SLC35F1: variants seen among roughly 807,000 people sequenced by gnomAD.
SLC35F1 encodes solute carrier family 35 member F1, also known as chromosome 6 open reading frame 169.
In SLC35F1, 14 loss-of-function variants were observed where a neutral mutation model predicts 48.7. The observed-to-expected ratio is 0.29, with a 90% CI of 0.19 to 0.45. The LOEUF (loss-of-function observed/expected upper bound fraction) is 0.45. Among genes scored for constraint, SLC35F1 ranks in the 20% least tolerant of loss-of-function variants. The pLI is 1.00. For synonymous variants in SLC35F1, 190 were observed against 202.2 expected (o/e 0.94, Z 0.51); for missense variants, 404 against 500.0 (o/e 0.81, Z 1.83).
chr6:118,076,864 A>G (rs894830031), intron 1 of SLC35F1, among the ~76,000 whole-genome samples: 2 of 152,038 alleles, frequency 1.3e-5, no homozygotes, highest in Non-Finnish European at 2.9e-5. Flanking sequence ...TAATTATTGT[A>G]GGCTTAGACG....
intron 3 of SLC35F1, among the ~76,000 whole-genome samples, chr6:118,259,628 T>C (rs936518648): frequency 1.4e-5 from 2 of 141,890 alleles, no homozygotes; most frequent in African/African-American, 5.0e-5. Context: ...AGGGGTTTAA[T>C]ATCATTTGTC....
intron 1 of SLC35F1, among the ~76,000 whole-genome samples, chr6:118,043,358 G>A (rs2114903731): frequency 6.6e-6 from 1 of 152,074 alleles, no homozygotes; most frequent in East Asian, 1.9e-4. Flanking sequence ...GAGTTAGAAT[G>A]TCTTAGCATC....
intron 1 of SLC35F1, among the ~76,000 whole-genome samples, chr6:118,076,745 C>A (rs1396099924): frequency 6.6e-6 from 1 of 152,094 alleles, no homozygotes; most frequent in Non-Finnish European, 1.5e-5. Flanking sequence ...ATATTCTCAC[C>A]ATGAATTTAA....
At chr6:118,192,381 C>T (rs549400862) in intron 2 of SLC35F1, among the ~76,000 whole-genome samples, 1 of 152,062 alleles carries the variant, frequency 6.6e-6, no homozygotes, top group Non-Finnish European at 1.5e-5. Flanking sequence ...AATTTTTACC[C>T]ATGATACGAT....
chr6:117,950,270 A>G (rs1776346883), intron 1 of SLC35F1, among the ~76,000 whole-genome samples: 1 of 152,200 alleles, frequency 6.6e-6, no homozygotes. Flanking sequence ...CTGAAATGGC[A>G]TTTATTGTAG....
chr6:118,061,156 A>G (rs1772531051), intron 1 of SLC35F1, among the ~76,000 whole-genome samples: 1 of 152,258 alleles, frequency 6.6e-6, no homozygotes, highest in South Asian at 2.1e-4. Flanking sequence ...TAAGGTGAAC[A>G]TAAAAAGGAG....
intron 1 of SLC35F1, among the ~76,000 whole-genome samples, chr6:118,079,877 C>T (rs775340721): frequency 6.6e-6 from 1 of 152,164 alleles, no homozygotes; most frequent in Non-Finnish European, 1.5e-5. Context: ...GTCTAGTACA[C>T]AGGACTTTCT....
intron 1 of SLC35F1, among the ~76,000 whole-genome samples, chr6:118,054,437 T>C (rs183643748): frequency 2.0e-4 from 31 of 152,362 alleles, no homozygotes; most frequent in African/African-American, 7.0e-4. Context: ...TTGAAATATT[T>C]ACTTTGGGAC....
chr6:118,253,154 T>A (rs1775597790), intron 3 of SLC35F1, among the ~76,000 whole-genome samples: 1 of 151,968 alleles, frequency 6.6e-6, no homozygotes, highest in South Asian at 2.1e-4. Flanking sequence ...TGTGGAACAG[T>A]GAGAAGAGAC....
intron 3 of SLC35F1, among the ~76,000 whole-genome samples, chr6:118,262,517 T>C (rs116959860): frequency 6.6e-6 from 1 of 152,320 alleles, no homozygotes; most frequent in Non-Finnish European, 1.5e-5. Context: ...GTCTTAAAAG[T>C]AATGTCAGCA....
At chr6:117,921,165 T>G (rs886432578) in intron 1 of SLC35F1, among the ~76,000 whole-genome samples, 2 of 152,116 alleles carry the variant, frequency 1.3e-5, no homozygotes, top group Non-Finnish European at 1.5e-5. Flanking sequence ...TTACTATGTT[T>G]TTTGGGAGGA....
At chr6:118,188,718 C>A (rs1774694061) in intron 2 of SLC35F1, among the ~76,000 whole-genome samples, 1 of 152,112 alleles carries the variant, frequency 6.6e-6, no homozygotes, top group Non-Finnish European at 1.5e-5. Context: ...TTTATCCTTT[C>A]ATTCATTAAC....
chr6:118,226,801 ATAAT>A (rs1775225029), intron 2 of SLC35F1, among the ~76,000 whole-genome samples: 1 of 152,220 alleles, frequency 6.6e-6, no homozygotes, highest in African/African-American at 2.4e-5. Flanking sequence ...ATAATTAACT[ATAAT>A]TAACATTAAT....
At chr6:117,985,630 T>C (rs1317220323) in intron 1 of SLC35F1, among the ~76,000 whole-genome samples, 1 of 148,750 alleles carries the variant, frequency 6.7e-6, no homozygotes, top group Non-Finnish European at 1.5e-5. Context: ...ATACACACTT[T>C]TAAGCCGTAT....
chr6:118,196,772 T>C (rs1774806197), intron 2 of SLC35F1, among the ~76,000 whole-genome samples: 1 of 152,092 alleles, frequency 6.6e-6, no homozygotes, highest in Non-Finnish European at 1.5e-5. Context: ...TCAAGACCAA[T>C]GTCAGGAGCT....
chr6:117,935,368 T>A (rs1462060396), intron 1 of SLC35F1, among the ~76,000 whole-genome samples: 1 of 152,230 alleles, frequency 6.6e-6, no homozygotes, highest in African/African-American at 2.4e-5. Context: ...ATAGAATCAT[T>A]ACTCCTAGGG....
chr6:118,251,508 A>G (rs1027713123), intron 3 of SLC35F1, among the ~76,000 whole-genome samples: 6 of 152,196 alleles, frequency 3.9e-5, no homozygotes, highest in Non-Finnish European at 8.8e-5. Flanking sequence ...AAGATGAAAA[A>G]GTACCTAATG....
intron 7 of SLC35F1, among the ~76,000 whole-genome samples, chr6:118,297,637 TAAAAA>T (rs1198340632): frequency 4.9e-4 from 52 of 106,988 alleles, no homozygotes; most frequent in African/African-American, 1.6e-3. Context: ...TATATATATA[TAAAAA>T]ATATATATAT....
intron 1 of SLC35F1, among the ~76,000 whole-genome samples, chr6:118,032,502 C>T (rs1302391237): frequency 1.3e-5 from 2 of 152,300 alleles, no homozygotes; most frequent in Middle Eastern, 3.4e-3. Context: ...AAAACATCTC[C>T]TCTGCCCTTT....
Sources: allele counts gnomAD v4.1 joint callset (sites outside exome capture counted in the v4.1 genomes callset), GRCh38; gene constraint gnomAD v4.1.1; transcripts MANE v1.5; gene names NCBI Gene and HGNC (gene_info 2026-07-23, HGNC 2026-07-21).